EXOC6B: variants seen among roughly 807,000 people sequenced by gnomAD.
EXOC6B encodes the protein exocyst complex component 6B.
EXOC6B carries 54 observed loss-of-function variants against 113.5 expected under a neutral mutation model. That is an observed-to-expected ratio of 0.48 (90% CI 0.38 to 0.60). The LOEUF is 0.60. EXOC6B is among the 20% of genes least tolerant of loss of function. The pLI, the probability that EXOC6B is intolerant of heterozygous loss-of-function variation, is 0.00. For synonymous variants in EXOC6B, 357 were observed against 339.0 expected, an observed-to-expected ratio of 1.05 and a Z score of -0.58; for missense variants, 797 against 977.5, an observed-to-expected ratio of 0.82 and a Z score of 2.46.
chr2:72,518,483 GGTGTGT>G (rs138382972), intron 8 of EXOC6B, among the ~76,000 whole-genome samples: 1,833 of 143,438 alleles, frequency 0.013, 30 homozygotes, highest in Admixed American at 0.054. Context: ...ATTAAAGTAG[GGTGTGT>G]GTGTGTGTGT....
chr2:72,685,690 C>T (rs938005619), intron 6 of EXOC6B, among the ~76,000 whole-genome samples: 2 of 152,126 alleles, frequency 1.3e-5, no homozygotes, highest in African/African-American at 4.8e-5. Flanking sequence ...CACACACAGC[C>T]TTGAATTGTA....
At chr2:72,709,774 T>C (rs1031177011) in intron 6 of EXOC6B, among the ~76,000 whole-genome samples, 6 of 152,130 alleles carry the variant, frequency 3.9e-5, no homozygotes, top group African/African-American at 1.4e-4. Flanking sequence ...AAAGATGCAT[T>C]TAAGTCTCAT....
At chr2:72,407,830 C>G (rs1693886710) in intron 18 of EXOC6B, among the ~76,000 whole-genome samples, 1 of 152,212 alleles carries the variant, frequency 6.6e-6, no homozygotes. Flanking sequence ...TCTCTCACCA[C>G]TCCTGTTCAA....
intron 20 of EXOC6B, among the ~76,000 whole-genome samples, chr2:72,274,611 C>A (rs1684702120): frequency 6.6e-6 from 1 of 152,122 alleles, no homozygotes; most frequent in African/African-American, 2.4e-5. Context: ...TGTGTCCTAA[C>A]TGAAACTTCT....
chr2:72,730,896 G>GAAC, intron 5 of EXOC6B, 111 bp downstream of exon 5: 1 of 674,464 alleles, frequency 1.5e-6, no homozygotes, highest in African/African-American at 1.8e-5. Context: ...AAAAGGTTAA[G>GAAC]ATGTTAGAAA....
At chr2:72,569,352 G>A (rs1159718808) in intron 7 of EXOC6B, among the ~76,000 whole-genome samples, 1 of 151,506 alleles carries the variant, frequency 6.6e-6, no homozygotes, top group African/African-American at 2.4e-5. Context: ...TTTCACATCA[G>A]TGTGGCCCCG....
Position 72,439,950 on chromosome 2 carries a change from G to A in EXOC6B, c.1980+25210C>T, listed in dbSNP as rs371093825. 2.3e-3 allele frequency among the ~76,000 whole-genome samples: 344 copies of A among 152,204 alleles called. 2 individuals carry two copies. Among genetic ancestry groups the A allele is most frequent in the Middle Eastern group, 0.02 (6 of 294 alleles). Reference sequence around the variant, plus strand: ...ATATGGCTGCTGTGGTTTGCTGGGGGTTCATTTGCTCTAGTCCCTAGGCAC... The same window carrying A: ...ATATGGCTGCTGTGGTTTGCTGGGGATTCATTTGCTCTAGTCCCTAGGCAC... On this transcript the variant is annotated intron_variant, in intron 18 of 21. Coordinates refer to ENST00000272427, the MANE Select transcript of EXOC6B (RefSeq NM_015189.3).
chr2:72,209,243 A>AAGAAAAGAAAAGAAAAG (rs1553465675), intron 20 of EXOC6B, among the ~76,000 whole-genome samples: 2 of 110,588 alleles, frequency 1.8e-5, no homozygotes, highest in African/African-American at 7.3e-5. Flanking sequence ...AAAAAAAAAA[A>AAGAAAAGAAAAGAAAAG]AAAAGAAAAG....
Position 72,575,647 on chromosome 2 carries a change from C to A in EXOC6B, c.691G>T (p.Asp231Tyr). The change falls in exon 7 of 22, where the codon GAT becomes TAT. Residue 231 changes from aspartate (D) to tyrosine (Y), a missense_variant. Coordinates refer to ENST00000272427, the MANE Select transcript of EXOC6B (RefSeq NM_015189.3). Reference sequence around the variant, plus strand: ...CTGGGTTGTTGCAAGACGATGTTATCCAGGTTTCTTTGCTGCTGGGCCTAG... The same window carrying A: ...CTGGGTTGTTGCAAGACGATGTTATACAGGTTTCTTTGCTGCTGGGCCTAG... ...MKQAQQQRNL[D>Y]NIVLQQPRIG... is the part of the protein sequence containing the mutation. The A allele has an allele frequency of 6.3e-7, 1 of 1,599,930 alleles. No individual in the cohort carries two copies. The highest frequency in any genetic ancestry group is 1.1e-5 in the South Asian group (1 of 88,428).
chr2:72,386,224 T>G lies in EXOC6B; in HGVS notation c.1981-6354A>C, dbSNP rs375411113. ...TCATAGGCATGAGCAAAAAAAAAAATGATGTAAAACAGGAACTTATATTTA... is the reference window on the plus strand; with the variant it reads ...TCATAGGCATGAGCAAAAAAAAAAAGGATGTAAAACAGGAACTTATATTTA... On this transcript the variant is annotated intron_variant, in intron 18 of 21. Coordinates refer to ENST00000272427, the MANE Select transcript of EXOC6B (RefSeq NM_015189.3). 4.8e-4 allele frequency among the ~76,000 whole-genome samples: 70 copies of G among 145,546 alleles called. 1 individual carries two copies. The South Asian group carries it at 0.015, about 31-fold the overall frequency.
intron 20 of EXOC6B, among the ~76,000 whole-genome samples, chr2:72,247,148 T>G (rs1332017490): frequency 6.6e-6 from 1 of 152,202 alleles, no homozygotes; most frequent in Non-Finnish European, 1.5e-5. Flanking sequence ...ATTAAGAATA[T>G]GAAAATAATC....
Position 72,333,005 on chromosome 2 carries a change from A to G in EXOC6B, c.2196+1942T>C, listed in dbSNP as rs550986626. Among the ~76,000 whole-genome samples, 89 of 152,272 alleles carry G rather than the reference A, an allele frequency of 5.8e-4. 1 individual carries two copies. In the South Asian group the frequency reaches 0.018, roughly 31 times the overall value. ...GACCAAGAACTAAAGAAGTTTTTCA[A>G]ACAATCTAGGTTAGAAAAATTATCC... On this transcript the variant is annotated intron_variant, in intron 20 of 21. Coordinates refer to ENST00000272427, the MANE Select transcript of EXOC6B (RefSeq NM_015189.3).
In EXOC6B at chr2:72,480,643, G is replaced by C. The variant is rs762184137; in HGVS notation, c.1773C>G (p.Thr591=). The C allele has an allele frequency of 5.0e-6, 8 of 1,586,648 alleles. No homozygotes were observed. The East Asian group carries it at 6.8e-5, about 13-fold the overall frequency. The change falls in exon 17 of 22, where the codon ACC becomes ACG. Residue 591 remains threonine (T), a synonymous_variant. Coordinates refer to ENST00000272427, the MANE Select transcript of EXOC6B (RefSeq NM_015189.3). ...TAAAAGTTGTGGTGCCATAGAGCTTGGTAGTGTGAACTGTCTCTGGAAGCA... is the reference window on the plus strand; with the variant it reads ...TAAAAGTTGTGGTGCCATAGAGCTTCGTAGTGTGAACTGTCTCTGGAAGCA... ...TNVLPETVHT[T]KLYGTTTFKD...
chr2:72,378,542 A>G (rs1691493559), intron 19 of EXOC6B, among the ~76,000 whole-genome samples: 1 of 152,132 alleles, frequency 6.6e-6, no homozygotes. Flanking sequence ...AGTTTATCCA[A>G]TTTACAATTG....
chr2:72,443,159 T>C (rs1696325928), intron 18 of EXOC6B, among the ~76,000 whole-genome samples: 1 of 151,814 alleles, frequency 6.6e-6, no homozygotes, highest in Admixed American at 6.6e-5. Context: ...ACCCCATCTC[T>C]ACTAAAAATA....
intron 18 of EXOC6B, among the ~76,000 whole-genome samples, chr2:72,384,669 T>C (rs1691890586): frequency 6.6e-6 from 1 of 152,000 alleles, no homozygotes; most frequent in Non-Finnish European, 1.5e-5. Flanking sequence ...TTCAGTAAAG[T>C]TGCAGGATAC....
Position 72,482,176 on chromosome 2 carries a change from A to G in EXOC6B, c.1666-1426T>C, listed in dbSNP as rs544811954. ...ATGATTGTGTACATTAGACTAAAAT[A>G]TAAGATTCTGGGCCTGCAATCAACT... On this transcript the variant is annotated intron_variant, in intron 16 of 21. Transcript: ENST00000272427. Among the ~76,000 whole-genome samples the G allele has an allele frequency of 2.6e-3, 401 of 152,326 alleles. 2 individuals carry two copies. The highest frequency in any genetic ancestry group is 8.9e-3 in the African/African-American group (369 of 41,576).
At chr2:72,315,339 ATGTGTG>A (rs141556284) in intron 20 of EXOC6B, among the ~76,000 whole-genome samples, 2 of 148,576 alleles carry the variant, frequency 1.3e-5, no homozygotes, top group Admixed American at 1.3e-4. Context: ...TAAAGGGTGT[ATGTGTG>A]TGTGTGTGTG....
At chr2:72,495,934 C>G (rs1700010266) in intron 14 of EXOC6B, among the ~76,000 whole-genome samples, 2 of 151,992 alleles carry the variant, frequency 1.3e-5, no homozygotes, top group Admixed American at 1.3e-4. Context: ...TGCACAGAGC[C>G]CAGGTTTCTG....
Sources: allele counts gnomAD v4.1 joint callset (sites outside exome capture counted in the v4.1 genomes callset), GRCh38; gene constraint gnomAD v4.1.1; transcripts MANE v1.5; gene names NCBI Gene and HGNC (gene_info 2026-07-23, HGNC 2026-07-21).